MYH15: variants seen among roughly 807,000 people sequenced by gnomAD.
MYH15 encodes myosin heavy chain 15, also known as myosin-15.
MYH15 carries 227 observed loss-of-function variants against 240.5 expected under a neutral mutation model. The observed-to-expected ratio is 0.94, with a 90% CI of 0.85 to 1.05. The LOEUF is 1.05. Ranked by LOEUF, MYH15 falls within the 50% of genes least tolerant of loss-of-function variation. The probability of loss-of-function intolerance (pLI) is 0.00; values close to 1 mark genes in which losing one functional copy is unlikely to be tolerated. For synonymous variants in MYH15, 785 were observed against 796.7 expected (o/e 0.99, Z 0.25); for missense variants, 2,217 against 2,247.5 (o/e 0.99, Z 0.27).
At chr3:108,491,621 G>A (rs1188610634) in intron 9 of MYH15, among the ~76,000 whole-genome samples, 2 of 151,800 alleles carry the variant, frequency 1.3e-5, no homozygotes, top group East Asian at 3.9e-4. Context: ...CCAAGTCTCT[G>A]CCTCCACACC....
Position 108,529,245 on chromosome 3 carries a change from T to C in MYH15, c.-58+18A>G, listed in dbSNP as rs773042181. On this transcript the variant is annotated intron_variant, in intron 1 of 41. Transcript: ENST00000273353. ...ATTCTGTTAGACAAATTAAAACATA[T>C]GTTGGGAGTCCACTCACCATGATCT... The C allele has an allele frequency of 6.9e-6, 11 of 1,599,582 alleles. No homozygotes were observed. The East Asian group carries it at 1.1e-4, about 16-fold the overall frequency.
the MYH15 span, among the ~76,000 whole-genome samples, chr3:108,547,558 A>G: frequency 6.6e-6 from 1 of 152,134 alleles, no homozygotes; most frequent in Admixed American, 6.6e-5. Flanking sequence ...TATGCTTAAC[A>G]TGCCTATTTA....
At chr3:108,469,557 A>T (rs1378894756) in intron 14 of MYH15, among the ~76,000 whole-genome samples, 1 of 152,230 alleles carries the variant, frequency 6.6e-6, no homozygotes, top group Non-Finnish European at 1.5e-5. Context: ...ACTAACTGGT[A>T]CTTGTCCAAT....
intron 28 of MYH15, among the ~76,000 whole-genome samples, chr3:108,417,146 A>G (rs2082640995): frequency 6.6e-6 from 1 of 152,214 alleles, no homozygotes; most frequent in Non-Finnish European, 1.5e-5. Flanking sequence ...ATTTTTAGTA[A>G]TAAGTATGAA....
intron 3 of MYH15, 95 bp from the exon 4 acceptor site, chr3:108,500,369 T>C: frequency 7.4e-7 from 1 of 1,349,044 alleles, no homozygotes; most frequent in Middle Eastern, 2.3e-4. Context: ...GCTCAAATAT[T>C]ACTTATAAAG....
chr3:108,427,226 G>T (rs185319767), intron 27 of MYH15, among the ~76,000 whole-genome samples: 258 of 152,340 alleles, frequency 1.7e-3, no homozygotes, highest in African/African-American at 5.9e-3. Context: ...TTATGTGAAG[G>T]ACATAAATTT....
intron 21 of MYH15, among the ~76,000 whole-genome samples, chr3:108,445,754 T>C (rs1396390506): frequency 6.6e-6 from 1 of 152,098 alleles, no homozygotes; most frequent in Non-Finnish European, 1.5e-5. Context: ...TGATGGAGAC[T>C]ATCAAATAAT....
chr3:108,447,388 T>A (rs992058534), intron 21 of MYH15, among the ~76,000 whole-genome samples: 3 of 151,198 alleles, frequency 2.0e-5, no homozygotes, highest in Non-Finnish European at 4.4e-5. Flanking sequence ...CCCAAGTAGA[T>A]CAAATATAAA....
chr3:108,479,373 G>A (rs1314805461), intron 11 of MYH15, among the ~76,000 whole-genome samples: 5 of 152,138 alleles, frequency 3.3e-5, no homozygotes, highest in Non-Finnish European at 7.4e-5. Context: ...AGCCTGGAGA[G>A]CTAATCAAAG....
In MYH15 at chr3:108,444,825, G is replaced by A. The variant is rs1428158578; in HGVS notation, c.2470C>T (p.Leu824Phe). 6.2e-7 allele frequency: 1 copy of A among 1,614,022 alleles called. No individual in the cohort carries two copies. Among genetic ancestry groups the A allele is most frequent in the South Asian group, 1.1e-5 (1 of 91,080 alleles). Residue 824 changes from leucine to phenylalanine, a missense_variant, in exon 22 of 41, where the codon CTC (leucine) becomes TTC (phenylalanine). Leu to Phe is a conservative substitution (Grantham distance 22). Transcript: ENST00000693548. ...MAVKNWPWMRLFFKIKPLVKS... is the reference protein window; with the variant it reads ...MAVKNWPWMRFFFKIKPLVKS... ...ACAAGAGGCTTGATCTTGAAGAAGA[G>A]CCTCATCCAGGGCCAGTTCTTCACA...
upstream of MYH15, among the ~76,000 whole-genome samples, chr3:108,513,211 G>A (rs375234046): frequency 3.2e-4 from 49 of 152,282 alleles, no homozygotes; most frequent in East Asian, 5.8e-4. Flanking sequence ...ACACAGATGA[G>A]TATAGAACTG....
chr3:108,494,232 CACAA>C (rs1246041560), intron 7 of MYH15, among the ~76,000 whole-genome samples: 4 of 152,280 alleles, frequency 2.6e-5, no homozygotes, highest in Non-Finnish European at 4.4e-5. Context: ...GAGTCACACA[CACAA>C]ACATACATGT....
chr3:108,404,657 A>G (rs1576212129), intron 33 of MYH15, among the ~76,000 whole-genome samples: 1 of 152,166 alleles, frequency 6.6e-6, no homozygotes, highest in Non-Finnish European at 1.5e-5. Flanking sequence ...GCAACCCATG[A>G]GTCCTGTCTA....
chr3:108,528,082 C>T (rs2083687221), intron 1 of MYH15, among the ~76,000 whole-genome samples: 1 of 152,054 alleles, frequency 6.6e-6, no homozygotes, highest in Non-Finnish European at 1.5e-5. Flanking sequence ...GAGGGTGAAG[C>T]CCTCATGACC....
chr3:108,480,112 C>T (rs1473128193), intron 11 of MYH15, among the ~76,000 whole-genome samples: 1 of 152,120 alleles, frequency 6.6e-6, no homozygotes, highest in East Asian at 1.9e-4. Flanking sequence ...GTCAGTAAAA[C>T]AACTGCATAA....
At chr3:108,496,194 G>A (rs1265001260) in intron 6 of MYH15, among the ~76,000 whole-genome samples, 1 of 152,176 alleles carries the variant, frequency 6.6e-6, no homozygotes, top group Non-Finnish European at 1.5e-5. Flanking sequence ...CTTATTTCCA[G>A]ACAAACATAT....
At position 108,402,142 on chromosome 3, in the gene MYH15, C is replaced by T. The variant is rs1051623121; in HGVS notation, c.4737-2875G>A. Among the ~76,000 whole-genome samples, 5 of 152,170 alleles carry T rather than the reference C, an allele frequency of 3.3e-5. No individual in the cohort carries two copies. In the East Asian group the frequency reaches 9.6e-4, roughly 29 times the overall value. On this transcript the variant is annotated intron_variant, in intron 33 of 40. Coordinates refer to ENST00000693548, the MANE Select transcript of MYH15 (RefSeq NM_014981.3). ...AGATTTTTTTTTCTTAATCCAAATA[C>T]ATATGAGCCAGCTTTAAAATAATTA...
At chr3:108,535,735 TAAGA>T in the MYH15 span, among the ~76,000 whole-genome samples, 2 of 152,258 alleles carry the variant, frequency 1.3e-5, no homozygotes, top group Middle Eastern at 3.4e-3. Flanking sequence ...GTAAGTGTAT[TAAGA>T]AATAATATTA....
chr3:108,468,133 T>C (rs9877623), intron 14 of MYH15, among the ~76,000 whole-genome samples: 3,502 of 152,216 alleles, frequency 0.023, 138 homozygotes, highest in African/African-American at 0.08. Flanking sequence ...ATCTGGCTAA[T>C]TTTTGTATTT....
Sources: gnomAD v4.1 joint callset for allele counts (sites outside exome capture counted in the v4.1 genomes callset) on GRCh38, gnomAD v4.1.1 for gene constraint, MANE v1.5 for transcripts, NCBI Gene and HGNC (gene_info 2026-07-23, HGNC 2026-07-21) for gene names.